Variants in ESRRG observed in about 807,000 individuals in gnomAD.
The protein encoded by ESRRG is estrogen-related receptor gamma.
In ESRRG, 13 loss-of-function variants were observed where a neutral mutation model predicts 44.0. That is an observed-to-expected ratio of 0.30 (90% CI 0.19 to 0.47). The LOEUF (loss-of-function observed/expected upper bound fraction) is 0.47. Among genes scored for constraint, ESRRG ranks in the 20% least tolerant of loss-of-function variants. The pLI is 1.00. For synonymous variants in ESRRG, 215 were observed against 214.6 expected (o/e 1.00, Z -0.02); for missense variants, 395 against 580.6 (o/e 0.68, Z 3.29).
intron 1 of ESRRG, among the ~76,000 whole-genome samples, chr1:216,992,249 G>A (rs918008612): frequency 2.0e-5 from 3 of 152,140 alleles, no homozygotes; most frequent in African/African-American, 7.2e-5. Flanking sequence ...GATTTTGAAA[G>A]CTTTTTGAAA....
chr1:216,748,207 G>C (rs2091630216), intron 2 of ESRRG, among the ~76,000 whole-genome samples: 1 of 152,160 alleles, frequency 6.6e-6, no homozygotes, highest in Admixed American at 6.5e-5. Context: ...CACTTGCTCA[G>C]AACAGGTTAC....
At chr1:216,915,430 G>A (rs556607312) in intron 2 of ESRRG, among the ~76,000 whole-genome samples, 4 of 152,240 alleles carry the variant, frequency 2.6e-5, no homozygotes, top group Non-Finnish European at 4.4e-5. Flanking sequence ...CCTTAAGGAG[G>A]CTGCAGATGG....
intron 3 of ESRRG, among the ~76,000 whole-genome samples, chr1:216,621,816 G>A (rs1207047268): frequency 6.6e-6 from 1 of 152,174 alleles, no homozygotes; most frequent in Non-Finnish European, 1.5e-5. Flanking sequence ...GTCAGGCACT[G>A]GGTCAGGTTA....
chr1:216,750,526 T>A (rs1045638523), intron 2 of ESRRG, among the ~76,000 whole-genome samples: 3 of 152,148 alleles, frequency 2.0e-5, no homozygotes, highest in African/African-American at 7.2e-5. Flanking sequence ...ACTGATCTTC[T>A]TTCTAACCCT....
At chr1:216,942,293 A>G (rs962861591) in intron 1 of ESRRG, among the ~76,000 whole-genome samples, 1 of 152,092 alleles carries the variant, frequency 6.6e-6, no homozygotes, top group Non-Finnish European at 1.5e-5. Context: ...TAGGTACCAC[A>G]TTTCCTTATC....
intron 1 of ESRRG, among the ~76,000 whole-genome samples, chr1:217,110,953 C>A (rs1041344455): frequency 2.0e-5 from 3 of 152,148 alleles, no homozygotes; most frequent in Non-Finnish European, 4.4e-5. Flanking sequence ...CCTACCTCGA[C>A]TCTTGACTTT....
At chr1:216,995,572 C>T (rs1183553802) in intron 1 of ESRRG, among the ~76,000 whole-genome samples, 2 of 152,176 alleles carry the variant, frequency 1.3e-5, no homozygotes, top group Non-Finnish European at 2.9e-5. Flanking sequence ...GTTAAATGAT[C>T]CTTCTTGACT....
At chr1:217,034,106 G>A (rs1293204563) in intron 1 of ESRRG, among the ~76,000 whole-genome samples, 6 of 152,024 alleles carry the variant, frequency 3.9e-5, no homozygotes, top group Non-Finnish European at 8.8e-5. Flanking sequence ...ATCTAGCTAT[G>A]GCTTGATTTT....
At chr1:216,573,165 C>A (rs990588545) in intron 3 of ESRRG, among the ~76,000 whole-genome samples, 2 of 151,866 alleles carry the variant, frequency 1.3e-5, no homozygotes, top group Non-Finnish European at 2.9e-5. Flanking sequence ...TGTCTGCAAT[C>A]ATGATTTTGT....
At chr1:216,551,911 C>T (rs1001841217) in intron 5 of ESRRG, among the ~76,000 whole-genome samples, 1 of 152,154 alleles carries the variant, frequency 6.6e-6, no homozygotes, top group South Asian at 2.1e-4. Flanking sequence ...AAACTCTCGG[C>T]CACTTGGGCT....
At chr1:216,961,868 GA>G (rs1264173902) in intron 1 of ESRRG, among the ~76,000 whole-genome samples, 1 of 152,058 alleles carries the variant, frequency 6.6e-6, no homozygotes, top group Non-Finnish European at 1.5e-5. Context: ...GGCTAAAAGA[GA>G]AAAACACACA....
intron 3 of ESRRG, among the ~76,000 whole-genome samples, chr1:216,595,365 T>A (rs942225075): frequency 8.5e-5 from 13 of 152,176 alleles, no homozygotes; most frequent in Non-Finnish European, 1.2e-4. Context: ...AACTCCAACA[T>A]GGCACAGCTG....
At chr1:217,103,458 C>T (rs960330436) in intron 1 of ESRRG, among the ~76,000 whole-genome samples, 4 of 142,394 alleles carry the variant, frequency 2.8e-5, no homozygotes, top group Non-Finnish European at 6.1e-5. Flanking sequence ...CCAGCCTGAG[C>T]AACACAGCGA....
At position 216,615,736 on chromosome 1, in the gene ESRRG, CT is replaced by C. The variant is rs60874199; in HGVS notation, c.589+35236del. Among the ~76,000 whole-genome samples the C allele has an allele frequency of 3.0e-3, 417 of 137,198 alleles. 2 individuals carry two copies. The highest frequency in any genetic ancestry group is 8.5e-3 in the African/African-American group (308 of 36,024). 90.0% of individuals were successfully genotyped at this position (137,198 alleles called of 152,430 possible). Reference sequence around the variant, plus strand: ...CAGCAGACCTTGCCTATTTCTCTCTCTTTTTTTTTTTTTTTTCCTGAGATGG... The same window carrying C: ...CAGCAGACCTTGCCTATTTCTCTCTCTTTTTTTTTTTTTTTCCTGAGATGG... On this transcript the variant is annotated intron_variant, in intron 3 of 6. Coordinates refer to ENST00000408911, the MANE Select transcript of ESRRG (RefSeq NM_001438.4).
intron 3 of ESRRG, among the ~76,000 whole-genome samples, chr1:216,612,235 T>C (rs1250448184): frequency 1.3e-5 from 2 of 152,068 alleles, no homozygotes; most frequent in Non-Finnish European, 2.9e-5. Flanking sequence ...GCTTAGTAAC[T>C]GAAGAGATGT....
intron 1 of ESRRG, among the ~76,000 whole-genome samples, chr1:217,110,400 A>ATT: frequency 6.6e-6 from 1 of 152,194 alleles, no homozygotes; most frequent in South Asian, 2.1e-4. Context: ...ATAGCAAACC[A>ATT]TTGCCTGTTT....
chr1:217,030,375 C>T (rs1245512309), intron 1 of ESRRG, among the ~76,000 whole-genome samples: 1 of 152,182 alleles, frequency 6.6e-6, no homozygotes, highest in Non-Finnish European at 1.5e-5. Context: ...AACCATTTTC[C>T]TATGACTCCC....
At chr1:216,716,767 A>T (rs2084968389) in intron 1 of ESRRG, among the ~76,000 whole-genome samples, 1 of 151,918 alleles carries the variant, frequency 6.6e-6, no homozygotes, top group African/African-American at 2.4e-5. Context: ...GGTATTTAAA[A>T]TTTTTTAAAT....
chr1:216,533,575 G>C (rs895473441), intron 5 of ESRRG, among the ~76,000 whole-genome samples: 2 of 152,128 alleles, frequency 1.3e-5, no homozygotes, highest in African/African-American at 4.8e-5. Context: ...GAAAAGGGAA[G>C]TTGGGGAGTT....
Sources: allele counts gnomAD v4.1 joint callset (sites outside exome capture counted in the v4.1 genomes callset), GRCh38; gene constraint gnomAD v4.1.1; transcripts MANE v1.5; gene names NCBI Gene and HGNC (gene_info 2026-07-23, HGNC 2026-07-21).